ELAPOR2: variants seen among roughly 807,000 people sequenced by gnomAD.
The protein encoded by ELAPOR2 is endosome/lysosome-associated apoptosis and autophagy regulator family member 2.
ELAPOR2 carries 89 observed loss-of-function variants against 120.7 expected under a neutral mutation model. The ratio of observed to expected loss-of-function variants is 0.74; its 90% confidence interval spans 0.62 to 0.88. The LOEUF (loss-of-function observed/expected upper bound fraction) is 0.88. ELAPOR2 is among the 40% of genes least tolerant of loss of function. The probability of loss-of-function intolerance (pLI) is 0.00; values close to 1 mark genes in which losing one functional copy is unlikely to be tolerated. For synonymous variants in ELAPOR2, 444 were observed against 444.9 expected, an observed-to-expected ratio of 1.00 and a Z score of 0.03; for missense variants, 1,134 against 1,251.6, an observed-to-expected ratio of 0.91 and a Z score of 1.42.
chr7:86,902,377 T>C (rs551406239), intron 18 of ELAPOR2, among the ~76,000 whole-genome samples: 9 of 152,146 alleles, frequency 5.9e-5, no homozygotes, highest in Non-Finnish European at 1.2e-4. Context: ...GGTTTCTCCA[T>C]GTTGGTCAGG....
In ELAPOR2 at chr7:86,974,581, G is replaced by GTGTGTGTT. The variant is rs1491270260; in HGVS notation, c.190-9558_190-9557insAACACACA. Among the ~76,000 whole-genome samples, 11 of 306 alleles carry GTGTGTGTT rather than the reference G, an allele frequency of 0.036. No homozygotes were observed. The East Asian group carries it at 0.5, about 14-fold the overall frequency. The allele number at this position is 306 out of a possible 152,430, so 0.2% of individuals were successfully genotyped here. A position where few individuals can be genotyped will look rare whatever the true frequency, so the allele number is the denominator to read the frequency against. On this transcript the variant is annotated intron_variant, in intron 1 of 21. Transcript: ENST00000450689. ...AAAGCAATATATCTGAACCCCTGTA[G>GTGTGTGTT]TGTGTGTGTGTGTGTGTGTGTGTGT...
At chr7:86,891,914 C>A in intron 20 of ELAPOR2, 25 bp from the exon 21 acceptor site, 1 of 1,384,916 alleles carries the variant, frequency 7.2e-7, no homozygotes, top group Non-Finnish European at 1.0e-6. Flanking sequence ...AATAAATAAA[C>A]AAATAAGTAT....
intron 20 of ELAPOR2, 61 bp downstream of exon 20, chr7:86,892,861 A>G: frequency 7.3e-7 from 1 of 1,366,782 alleles, no homozygotes; most frequent in Non-Finnish European, 9.6e-7. Flanking sequence ...GATCAAGTCT[A>G]GAATTTTCAC....
At chr7:87,025,015 T>G (rs16888350) in intron 1 of ELAPOR2, among the ~76,000 whole-genome samples, 23 of 149,970 alleles carry the variant, frequency 1.5e-4, no homozygotes, top group Admixed American at 1.5e-3. Context: ...TAGGCTGTCA[T>G]GGATGTAATT....
chr7:86,908,500 T>C lies in ELAPOR2; in HGVS notation c.2403A>G (p.Glu801=), dbSNP rs779045125. Residue 801 remains glutamate (E), a synonymous_variant, in exon 17 of 22, where the codon GAA becomes GAG. Coordinates refer to ENST00000450689, the MANE Select transcript of ELAPOR2 (RefSeq NM_001142749.3). The part of the protein sequence containing the change: ...ETTLKNINIK[E]DMFPVPTSQI... The stretch of plus-strand genomic sequence containing the variant: ...GGCTTGTTGGAACTGGGAACATATC[T>C]TCTTTTATATTAATATTTTTCAATG... 16 of 1,583,392 alleles carry C rather than the reference T, an allele frequency of 1.0e-5. No homozygotes were observed. Among genetic ancestry groups the C allele is most frequent in the Non-Finnish European group, 1.3e-5 (15 of 1,163,728 alleles).
chr7:86,880,243 C>T lies in ELAPOR2; in HGVS notation c.*228G>A, dbSNP rs1290393115. On this transcript the variant is annotated 3_prime_UTR_variant, in exon 22 of 22. Transcript: ENST00000450689. ...CAGATAAATCTCTTCCTGAGTTGAG[C>T]TTCATCTTCAGTTGAGACCCAAATC... The T allele has an allele frequency of 3.6e-6, 2 of 556,728 alleles. No homozygotes were observed. Among genetic ancestry groups the T allele is most frequent in the African/African-American group, 3.8e-5 (2 of 52,650 alleles). 34.5% of individuals were successfully genotyped at this position (556,728 alleles called of 1,614,324 possible).
At chr7:86,973,733 G>T (rs990553318) in intron 1 of ELAPOR2, among the ~76,000 whole-genome samples, 1 of 152,118 alleles carries the variant, frequency 6.6e-6, no homozygotes, top group African/African-American at 2.4e-5. Flanking sequence ...AGTCATGTTA[G>T]CAGAGTATGA....
chr7:87,020,497 T>C (rs1794003780), intron 1 of ELAPOR2, among the ~76,000 whole-genome samples: 1 of 152,094 alleles, frequency 6.6e-6, no homozygotes, highest in Admixed American at 6.6e-5. Flanking sequence ...AAATACTATA[T>C]TGTCAAAAAA....
intron 2 of ELAPOR2, among the ~76,000 whole-genome samples, chr7:86,958,462 ATC>A (rs1229666338): frequency 6.6e-6 from 1 of 152,130 alleles, no homozygotes; most frequent in Non-Finnish European, 1.5e-5. Flanking sequence ...GATCACATTT[ATC>A]ACCTTATTTA....
chr7:86,943,450 G>C (rs908441842), intron 4 of ELAPOR2, among the ~76,000 whole-genome samples: 7 of 151,954 alleles, frequency 4.6e-5, no homozygotes, highest in African/African-American at 1.7e-4. Flanking sequence ...TTAACCATTA[G>C]TATGATGACC....
intron 1 of ELAPOR2, among the ~76,000 whole-genome samples, chr7:87,028,610 A>G (rs1308213590): frequency 2.0e-5 from 3 of 152,160 alleles, no homozygotes; most frequent in Non-Finnish European, 2.9e-5. Context: ...CTAAGCTGCC[A>G]TAATGCCTCA....
intron 1 of ELAPOR2, among the ~76,000 whole-genome samples, chr7:87,049,701 C>A (rs1795048827): frequency 6.6e-6 from 1 of 152,168 alleles, no homozygotes. Flanking sequence ...CAGAAAAGAT[C>A]CAGTACAGAG....
chr7:86,893,214 T>C (rs1457598882), intron 19 of ELAPOR2, 114 bp from the exon 20 acceptor site: 2 of 791,004 alleles, frequency 2.5e-6, no homozygotes, highest in Non-Finnish European at 3.9e-6. Context: ...GAAAGGGTTT[T>C]GCTAACCCTT....
chr7:86,964,765 G>C lies in ELAPOR2; in HGVS notation c.310+139C>G, dbSNP rs1411084459. The C allele has an allele frequency of 6.5e-6, 5 of 764,134 alleles. No individual in the cohort carries two copies. In the African/African-American group the frequency reaches 7.0e-5, roughly 11 times the overall value. The allele number at this position is 764,134 out of a possible 1,614,324, so 47.3% of individuals were successfully genotyped here. On this transcript the variant is annotated intron_variant, in intron 2 of 21. Coordinates refer to ENST00000450689, the MANE Select transcript of ELAPOR2 (RefSeq NM_001142749.3). Reference sequence around the variant, plus strand: ...AGGACATCTAGTGATGAGAAAGGCTGCATTTATTCTGCTGGTTATCAATGC... The same window carrying C: ...AGGACATCTAGTGATGAGAAAGGCTCCATTTATTCTGCTGGTTATCAATGC...
At chr7:87,019,219 T>G (rs1010679340) in intron 1 of ELAPOR2, among the ~76,000 whole-genome samples, 1 of 152,210 alleles carries the variant, frequency 6.6e-6, no homozygotes, top group Non-Finnish European at 1.5e-5. Context: ...GCTGGAGTAT[T>G]GTAGCACAAT....
intron 1 of ELAPOR2, among the ~76,000 whole-genome samples, chr7:87,037,000 C>T (rs1260957537): frequency 1.3e-5 from 2 of 152,128 alleles, no homozygotes; most frequent in Non-Finnish European, 2.9e-5. Flanking sequence ...TCCAGATTTA[C>T]GGGTCTCCTT....
chr7:86,988,215 G>T (rs1767702), intron 1 of ELAPOR2, among the ~76,000 whole-genome samples: 11,456 of 152,168 alleles, frequency 0.075, 467 homozygotes, highest in Admixed American at 0.11. Flanking sequence ...GGTGTGGGGG[G>T]AGGGATAGCA....
At chr7:87,025,745 AAAT>A (rs1794221552) in intron 1 of ELAPOR2, among the ~76,000 whole-genome samples, 1 of 152,182 alleles carries the variant, frequency 6.6e-6, no homozygotes, top group Non-Finnish European at 1.5e-5. Context: ...CTCTAACATT[AAAT>A]AATTTTACTA....
intron 1 of ELAPOR2, among the ~76,000 whole-genome samples, chr7:86,985,745 C>T (rs546481832): frequency 5.3e-5 from 8 of 152,068 alleles, no homozygotes; most frequent in African/African-American, 1.7e-4. Context: ...CATACATGTG[C>T]CATGTTGGTG....
Sources: allele counts gnomAD v4.1 joint callset (sites outside exome capture counted in the v4.1 genomes callset), GRCh38; gene constraint gnomAD v4.1.1; transcripts MANE v1.5; gene names NCBI Gene and HGNC (gene_info 2026-07-23, HGNC 2026-07-21).